The following PLEC variants were observed in gnomAD, a reference collection of about 807,000 sequenced individuals.
PLEC encodes the protein hemidesmosomal protein 1.
PLEC carries 216 observed loss-of-function variants against 392.8 expected under a neutral mutation model. The ratio of observed to expected loss-of-function variants is 0.55; its 90% CI spans 0.49 to 0.62. The LOEUF (loss-of-function observed/expected upper bound fraction) is 0.62, where lower values mean the gene tolerates loss of function less well. Among genes scored for constraint, PLEC ranks in the 20% least tolerant of loss-of-function variants. PLEC has a pLI of 0.00. For synonymous variants in PLEC, 3,621 were observed against 2,980.6 expected (o/e 1.21, Z -7.00); for missense variants, 6,863 against 6,563.4 (o/e 1.05, Z -1.58).
intron 5 of PLEC, among the ~76,000 whole-genome samples, chr8:143,936,540 C>T (rs1207541065): frequency 1.3e-5 from 2 of 152,228 alleles, no homozygotes; most frequent in East Asian, 1.9e-4. Flanking sequence ...TGCCCACCCA[C>T]CCCTAGCTGC....
In PLEC at chr8:143,924,193, C is replaced by G. The variant is rs1287613484; in HGVS notation, c.5736G>C (p.Leu1912=). The G allele has an allele frequency of 1.3e-6, 2 of 1,599,114 alleles. No homozygotes were observed. Among genetic ancestry groups the G allele is most frequent in the Non-Finnish European group, 1.7e-6 (2 of 1,179,554 alleles). ...GCCGCTGCCTCAGCGTGTCCTCCAC[C>G]AGCCCCTTCTGCCGCTCCAGCTCGC... ...SDSELERQKG[L]VEDTLRQRRQ... is the part of the protein sequence containing the mutation. The change falls in exon 31 of 32, where the codon CTG becomes CTC. Residue 1912 remains leucine (L), a synonymous_variant. Coordinates refer to ENST00000345136, the MANE Select transcript of PLEC (RefSeq NM_201384.3).
chr8:143,934,511 G>A, intron 10 of PLEC, 66 bp from the exon 11 acceptor site: 1 of 1,603,684 alleles, frequency 6.2e-7, no homozygotes, highest in South Asian at 1.1e-5. Flanking sequence ...TGGGCCTTCA[G>A]ACCCCAGCCC....
At chr8:143,952,231 C>A (rs192647460), upstream of PLEC, among the ~76,000 whole-genome samples, 2 of 152,266 alleles carry the variant, frequency 1.3e-5, no homozygotes, top group South Asian at 4.1e-4. Context: ...CGCACGCGCA[C>A]GCGCACGCCT....
At position 143,926,939 on chromosome 8, in the gene PLEC, GCCAGCCCCTCAC is replaced by G. The variant is rs1158977283; in HGVS notation, c.3945+26_3945+37del. 38 of 1,604,466 alleles carry G rather than the reference GCCAGCCCCTCAC, an allele frequency of 2.4e-5. No homozygotes were observed. The Admixed American group carries it at 6.2e-4, about 26-fold the overall frequency. Reference sequence around the variant, plus strand: ...GAGCTGCAGCTCCAGCCAGAGGCCTGCCAGCCCCTCACCCAGTTAGGTTCGGCCCCACCCTAC... The same window carrying G: ...GAGCTGCAGCTCCAGCCAGAGGCCTGCCAGTTAGGTTCGGCCCCACCCTAC... On this transcript the variant is annotated intron_variant, in intron 29 of 31. Coordinates refer to ENST00000345136, the MANE Select transcript of PLEC (RefSeq NM_201384.3).
rs781934522 is a variant in PLEC, at chr8:143,923,949, G to A, written c.5980C>T (p.Leu1994=). Residue 1994 remains leucine (L), a synonymous_variant, in exon 31 of 32, where the codon CTG becomes TTG. Transcript: ENST00000345136. ...REAEERVQKS[L]AAEEEAARQR... ...CGTGCGGCCTCCTCCTCGGCCGCCAGGCTCTTCTGCACGCGCTCCTCAGCC... is the reference window on the plus strand; with the variant it reads ...CGTGCGGCCTCCTCCTCGGCCGCCAAGCTCTTCTGCACGCGCTCCTCAGCC... 3 of 1,593,662 alleles carry A rather than the reference G, an allele frequency of 1.9e-6. No homozygotes were observed. Among genetic ancestry groups the A allele is most frequent in the East Asian group, 2.2e-5 (1 of 44,630 alleles).
At position 143,931,562 on chromosome 8, in the gene PLEC, C is replaced by A. The variant is rs782524554; in HGVS notation, c.2276G>T (p.Arg759Leu). ...GGCATCCTGCAGCAGGTCCTCCAGC[C>A]GGGTGACGGTGGCGGAGCGATCACA... ...YSCDRSATVT[R>L]LEDLLQDAQD... Residue 759 changes from arginine to leucine, a missense_variant, in exon 19 of 32, where the codon CGG (arginine) becomes CTG (leucine). Transcript: ENST00000345136. 1 of 1,595,942 alleles carries A rather than the reference C, an allele frequency of 6.3e-7. No homozygotes were observed. The highest frequency in any genetic ancestry group is 8.5e-7 in the Non-Finnish European group (1 of 1,171,374).
chr8:143,940,471 G>A (rs766377067), upstream of PLEC, among the ~76,000 whole-genome samples: 2 of 152,214 alleles, frequency 1.3e-5, no homozygotes, highest in African/African-American at 4.8e-5. Context: ...GTTTGCAGCT[G>A]GGTGGGGCTC....
At chr8:143,976,080 G>C (rs540254986), upstream of PLEC, among the ~76,000 whole-genome samples, 1 of 152,010 alleles carries the variant, frequency 6.6e-6, no homozygotes, top group African/African-American at 2.4e-5. Context: ...CTCGATCTCC[G>C]CAGCGAAGGC....
In PLEC at chr8:143,924,749, T is replaced by C. The variant is rs1017507182; in HGVS notation, c.5180A>G (p.Gln1727Arg). ...CTCCTCCTCCAGCAGCTGCCGCTGC[T>C]GCTCCCCCTGCTCCGTCTCGGCCCG... is the stretch of plus-strand genomic sequence containing the variant. ...RLRAETEQGEQQRQLLEEELA... is the reference protein window; with the variant it reads ...RLRAETEQGERQRQLLEEELA... The change falls in exon 31 of 32, where the codon CAG becomes CGG. Residue 1727 changes from glutamine (Q) to arginine (R), a missense_variant. Transcript: ENST00000345136. 6.5e-6 allele frequency: 10 copies of C among 1,534,392 alleles called. No individual in the cohort carries two copies. In the South Asian group the frequency reaches 1.2e-4, roughly 18 times the overall value.
At chr8:143,950,086 GACCACTCCA>G in intron 1 of PLEC, 1 of 1,408,046 alleles carries the variant, frequency 7.1e-7, no homozygotes, top group South Asian at 1.5e-5. Context: ...CAAGCCGGCT[GACCACTCCA>G]ACCACTCCAG....
intron 1 of PLEC, among the ~76,000 whole-genome samples, chr8:143,945,952 A>G (rs1250774616): frequency 3.3e-5 from 5 of 152,254 alleles, no homozygotes; most frequent in African/African-American, 1.2e-4. Context: ...GGCATGCCAG[A>G]AAGGGCCCAA....
chr8:143,925,478 T>C lies in PLEC; in HGVS notation c.4451A>G (p.Glu1484Gly), dbSNP rs782034460. 1 of 1,596,126 alleles carries C rather than the reference T, an allele frequency of 6.3e-7. No homozygotes were observed. The highest frequency in any genetic ancestry group is 8.5e-7 in the Non-Finnish European group (1 of 1,178,098). ...ELQALRARAE[E>G]AEAQKRQAQE... The stretch of plus-strand genomic sequence containing the variant: ...CGCCTGTCGCTTTTGTGCCTCAGCC[T>C]CCTCCGCCCGTGCACGCAGTGCCTG... The change falls in exon 31 of 32, where the codon GAG becomes GGG. Residue 1484 changes from glutamate (E) to glycine (G), a missense_variant. By Grantham distance (98) the Glu-to-Gly change is moderately conservative. Transcript: ENST00000345136.
rs781906240 is a variant in PLEC, at chr8:143,932,935, A to G, written c.1595T>C (p.Val532Ala). Residue 532 changes from valine to alanine, a missense_variant, in exon 14 of 32, where the codon GTG becomes GCG. Val to Ala is a moderately conservative substitution (Grantham distance 64). Coordinates refer to ENST00000345136, the MANE Select transcript of PLEC (RefSeq NM_201384.3). Reference protein sequence around the residue: ...LRYLQDLLAWVEENQHRVDGA... With the variant: ...LRYLQDLLAWAEENQHRVDGA... ...ATCCACACGGTGCTGGTTCTCCTCC[A>G]CCCAGGCCAGCAGGTCCTGCAGGTA... 4.3e-6 allele frequency: 7 copies of G among 1,612,134 alleles called. No homozygotes were observed. Among genetic ancestry groups the G allele is most frequent in the South Asian group, 3.3e-5 (3 of 91,050 alleles).
chr8:143,946,381 G>C, intron 1 of PLEC: 1 of 1,288,946 alleles, frequency 7.8e-7, no homozygotes, highest in Non-Finnish European at 1.0e-6. Context: ...CCTCCATGCT[G>C]TACCTGTCCA....
upstream of PLEC, among the ~76,000 whole-genome samples, chr8:143,942,188 T>G (rs1830597955): frequency 6.7e-6 from 1 of 148,490 alleles, no homozygotes; most frequent in African/African-American, 2.5e-5. Flanking sequence ...TCCAGCCCCT[T>G]CTCTAGAGAC....
chr8:143,965,833 G>C (rs1455656456), intron 1 of PLEC, among the ~76,000 whole-genome samples: 1 of 152,108 alleles, frequency 6.6e-6, no homozygotes, highest in African/African-American at 2.4e-5. Context: ...CTCACCCTGG[G>C]CCAGGTGATG....
chr8:143,945,295 C>A, intron 1 of PLEC: 1 of 448,848 alleles, frequency 2.2e-6, no homozygotes, highest in Non-Finnish European at 4.5e-6. Context: ...TCCCAGGGAT[C>A]TGGGATGGAG....
rs782111846 is a variant in PLEC at position 143,918,429 on chromosome 8, G to A, written c.11392C>T (p.Arg3798Trp). The change falls in exon 32 of 32, where the codon CGG (arginine) becomes TGG (tryptophan). Residue 3798 changes from arginine to tryptophan, a missense_variant. Physicochemically the swap from Arg to Trp is moderately radical, Grantham distance 101. Coordinates refer to ENST00000345136, the MANE Select transcript of PLEC (RefSeq NM_201384.3). ...GTGGCCAGCTGGGCATCCAGCAGCC[G>A]CAGGGCCTCCTCAGTAGGGATCAGC... Reference protein sequence around the residue: ...KELIPTEEALRLLDAQLATGG... With the variant: ...KELIPTEEALWLLDAQLATGG... 1.1e-5 allele frequency: 18 copies of A among 1,577,248 alleles called. No individual in the cohort carries two copies. Among genetic ancestry groups the A allele is most frequent in the East Asian group, 4.6e-5 (2 of 43,286 alleles).
Position 143,916,441 on chromosome 8 carries a change from C to A in PLEC, c.13380G>T (p.Gly4460=), listed in dbSNP as rs782655632. ...LDRSMVEEGT[G]LRLLEAAAQS... is the part of the protein sequence containing the mutation. ...GCGCGGCAGCCTCCAGCAGCCGCAG[C>A]CCCGTGCCCTCCTCCACCATGCTGC... Residue 4460 remains glycine (G), a synonymous_variant, in exon 32 of 32, where the codon GGG becomes GGT. Coordinates refer to ENST00000345136, the MANE Select transcript of PLEC (RefSeq NM_201384.3). 1 of 1,611,786 alleles carries A rather than the reference C, an allele frequency of 6.2e-7. No individual in the cohort carries two copies. Among genetic ancestry groups the A allele is most frequent in the Non-Finnish European group, 8.5e-7 (1 of 1,179,480 alleles).
Sources: allele counts gnomAD v4.1 joint callset (sites outside exome capture counted in the v4.1 genomes callset), GRCh38; gene constraint gnomAD v4.1.1; transcripts MANE v1.5; gene names NCBI Gene and HGNC (gene_info 2026-07-23, HGNC 2026-07-21).